The following STAG2 variants were observed in gnomAD, a reference collection of about 807,000 sequenced individuals.
The protein encoded by STAG2 is cohesin subunit SA-2.
In STAG2, 14 loss-of-function variants were observed where a neutral mutation model predicts 108.1. The observed-to-expected ratio is 0.13, with a 90% confidence interval of 0.09 to 0.20. STAG2 has a LOEUF of 0.20. Among genes scored for constraint, STAG2 ranks in the 10% least tolerant of loss-of-function variants. The pLI is 1.00. For missense variants in STAG2, 440 were observed against 940.9 expected, an observed-to-expected ratio of 0.47 and a Z score of 6.96; for synonymous variants, 307 against 302.7, an observed-to-expected ratio of 1.01 and a Z score of -0.15.
chrX:124,018,246 G>C (rs2056796975), intron 1 of STAG2, among the ~76,000 whole-genome samples: 2 of 112,392 alleles, frequency 1.8e-5, no homozygotes, highest in African/African-American at 6.4e-5. Flanking sequence ...TCCACCTTGT[G>C]ATCTTGGAGC....
chrX:124,053,494 C>T (rs1400395288), intron 13 of STAG2, among the ~76,000 whole-genome samples: 1 of 110,232 alleles, frequency 9.1e-6, no homozygotes, highest in Admixed American at 9.7e-5. Context: ...TGTGACATTT[C>T]ATATGGAAAA....
At chrX:124,055,119 C>T (rs1181714708) in intron 13 of STAG2, among the ~76,000 whole-genome samples, 2 of 111,941 alleles carry the variant, frequency 1.8e-5, no homozygotes. Flanking sequence ...CAAGAACAAT[C>T]TGATATTATA....
chrX:124,018,454 ATGG>A (rs1225578247), intron 1 of STAG2, among the ~76,000 whole-genome samples: 4 of 105,125 alleles, frequency 3.8e-5, no homozygotes, highest in Admixed American at 2.0e-4. Flanking sequence ...CATTGGATGG[ATGG>A]ATGGATGGAT....
intron 14 of STAG2, among the ~76,000 whole-genome samples, chrX:124,057,547 C>G (rs1229553859): frequency 1.8e-5 from 2 of 112,098 alleles, no homozygotes; most frequent in Non-Finnish European, 3.8e-5. Flanking sequence ...AATGGTGTAG[C>G]TTTGTCAATG....
intron 1 of STAG2, among the ~76,000 whole-genome samples, chrX:123,972,866 C>CAAAAAATAA (rs2054427800): frequency 4.6e-5 from 1 of 21,934 alleles, no homozygotes; most frequent in African/African-American, 1.9e-4. Flanking sequence ...ACCAAAAATA[C>CAAAAAATAA]AAAAAAAAAA....
intron 6 of STAG2, among the ~76,000 whole-genome samples, chrX:124,039,846 A>C: frequency 9.1e-6 from 1 of 109,390 alleles, no homozygotes; most frequent in Non-Finnish European, 1.9e-5. Context: ...GCCGCAGAGC[A>C]TGTTCCCTTT....
At chrX:124,004,794 G>A (rs1219691458) in intron 1 of STAG2, among the ~76,000 whole-genome samples, 2 of 110,389 alleles carry the variant, frequency 1.8e-5, no homozygotes, top group East Asian at 5.6e-4. Flanking sequence ...GTTTTATCTT[G>A]GTATAATAAT....
At chrX:124,026,147 A>AATAATAATG (rs1450952261) in intron 4 of STAG2, among the ~76,000 whole-genome samples, 1 of 104,791 alleles carries the variant, frequency 9.5e-6, no homozygotes, top group African/African-American at 3.4e-5. Context: ...TAATAATAAT[A>AATAATAATG]ATAATAATAA....
chrX:123,986,439 G>T (rs1448882125), intron 1 of STAG2, among the ~76,000 whole-genome samples: 1 of 110,877 alleles, frequency 9.0e-6, no homozygotes, highest in Admixed American at 9.8e-5. Flanking sequence ...TCTGTCACAT[G>T]TTTGTTCTTG....
chrX:123,962,891 G>A (rs1371473086), intron 1 of STAG2, among the ~76,000 whole-genome samples: 2 of 110,983 alleles, frequency 1.8e-5, no homozygotes, highest in East Asian at 5.6e-4. Flanking sequence ...GCCACACCCT[G>A]TATTTGTCTC....
chrX:124,093,955 C>T (rs2059318192), intron 32 of STAG2, 63 bp from the exon 33 acceptor site: 23 of 1,146,934 alleles, frequency 2.0e-5, no homozygotes, highest in Admixed American at 9.1e-5. Flanking sequence ...CCACATACTG[C>T]TGCCTAGATA....
chrX:124,077,250 G>T (rs1361685845), intron 26 of STAG2, among the ~76,000 whole-genome samples: 1 of 102,100 alleles, frequency 9.8e-6, no homozygotes, highest in East Asian at 3.0e-4. Flanking sequence ...TAATTACCAG[G>T]TTTTTTTTTT....
chrX:124,053,645 A>G (rs1479313689), intron 13 of STAG2, among the ~76,000 whole-genome samples: 1 of 111,848 alleles, frequency 8.9e-6, no homozygotes, highest in Non-Finnish European at 1.9e-5. Flanking sequence ...AAAAAAGATC[A>G]ATGAAGCAGA....
At chrX:123,978,331 T>C (rs771611091) in intron 1 of STAG2, among the ~76,000 whole-genome samples, 2 of 108,681 alleles carry the variant, frequency 1.8e-5, no homozygotes, top group South Asian at 4.1e-4. Context: ...ACAGGCCCCA[T>C]TGTGTGTTGT....
At chrX:124,032,161 C>T (rs2057368722) in intron 5 of STAG2, among the ~76,000 whole-genome samples, 1 of 112,114 alleles carries the variant, frequency 8.9e-6, no homozygotes, top group African/African-American at 3.2e-5. Flanking sequence ...ACGAAGTCTT[C>T]TACCCATATG....
intron 34 of STAG2, among the ~76,000 whole-genome samples, chrX:124,096,777 A>G (rs770610598): frequency 8.9e-6 from 1 of 112,155 alleles, no homozygotes; most frequent in East Asian, 2.8e-4. Context: ...CCTGCCTTCT[A>G]TGTACAATTT....
intron 5 of STAG2, among the ~76,000 whole-genome samples, chrX:124,035,282 T>C (rs1343938392): frequency 1.8e-5 from 2 of 112,095 alleles, no homozygotes; most frequent in African/African-American, 6.5e-5. Context: ...ACTATTTGAT[T>C]AAAAATTTTA....
chrX:123,973,519 C>A, intron 1 of STAG2, among the ~76,000 whole-genome samples: 1 of 66,482 alleles, frequency 1.5e-5, no homozygotes. Context: ...TCCAGCCTGG[C>A]AACAGAGTGA....
At chrX:123,977,313 G>A (rs1019997525) in intron 1 of STAG2, among the ~76,000 whole-genome samples, 1 of 111,867 alleles carries the variant, frequency 8.9e-6, no homozygotes, top group East Asian at 2.8e-4. Context: ...GTCTCCATAG[G>A]TAGTGTTCCC....
Sources: allele counts gnomAD v4.1 joint callset (sites outside exome capture counted in the v4.1 genomes callset), GRCh38; gene constraint gnomAD v4.1.1; transcripts MANE v1.5; gene names NCBI Gene and HGNC (gene_info 2026-07-23, HGNC 2026-07-21).